Variants in KCNJ6 observed in about 807,000 individuals in gnomAD.
The protein encoded by KCNJ6 is G protein-activated inward rectifier potassium channel 2.
KCNJ6 carries 9 observed loss-of-function variants against 34.2 expected under a neutral mutation model. The ratio of observed to expected loss-of-function variants is 0.26; its 90% CI spans 0.16 to 0.46. The LOEUF is 0.46. Among genes scored for constraint, KCNJ6 ranks in the 20% least tolerant of loss-of-function variants. The probability of loss-of-function intolerance (pLI) is 1.00; values close to 1 mark genes in which losing one functional copy is unlikely to be tolerated. For missense variants in KCNJ6, 236 were observed against 531.3 expected (o/e 0.44, Z 5.46); for synonymous variants, 196 against 207.1 (o/e 0.95, Z 0.46).
At chr21:37,891,117 G>A (rs1158903295) in intron 1 of KCNJ6, among the ~76,000 whole-genome samples, 1 of 152,184 alleles carries the variant, frequency 6.6e-6, no homozygotes, top group Non-Finnish European at 1.5e-5. Context: ...CTGGGAAGCA[G>A]GGAAGGCATA....
At chr21:37,915,729 TTCGGCTGACTTGGGCACAA>T (rs1405716020) in intron 1 of KCNJ6, among the ~76,000 whole-genome samples, 136 bp downstream of exon 1, 2 of 152,212 alleles carry the variant, frequency 1.3e-5, no homozygotes, top group Admixed American at 6.5e-5. Context: ...TCCCTCGCCT[TTCGGCTGACTTGGGCACAA>T]TGTTTCTCAT....
chr21:37,733,741 T>C (rs1410662245), intron 2 of KCNJ6, among the ~76,000 whole-genome samples: 1 of 152,264 alleles, frequency 6.6e-6, no homozygotes, highest in Non-Finnish European at 1.5e-5. Flanking sequence ...AAAGGTTTCA[T>C]AAGGCAGGTT....
chr21:37,687,570 C>G (rs989566699), intron 3 of KCNJ6, among the ~76,000 whole-genome samples: 2 of 151,988 alleles, frequency 1.3e-5, no homozygotes, highest in African/African-American at 4.8e-5. Context: ...GGCTTTTTTT[C>G]TTTGATTTAT....
intron 2 of KCNJ6, among the ~76,000 whole-genome samples, chr21:37,747,098 T>C (rs1437105450): frequency 6.6e-6 from 1 of 152,076 alleles, no homozygotes; most frequent in African/African-American, 2.4e-5. Context: ...CACACATGCA[T>C]GAAGAGAGGA....
Position 37,765,552 on chromosome 21 carries a change from G to C in KCNJ6, c.26-50421C>G, listed in dbSNP as rs1009931853. On this transcript the variant is annotated intron_variant, in intron 2 of 3. Transcript: ENST00000609713. ...CCCAGCCCCAGACACGGAATTCTCT[G>C]GTCCAAAATGTCAATATTGCTGAAG... 3.9e-4 allele frequency among the ~76,000 whole-genome samples: 59 copies of C among 152,132 alleles called. 1 individual carries two copies. The highest frequency in any genetic ancestry group is 7.3e-5 in the Non-Finnish European group (5 of 68,038).
intron 2 of KCNJ6, among the ~76,000 whole-genome samples, chr21:37,774,012 A>G (rs1467454617): frequency 6.6e-6 from 1 of 152,128 alleles, no homozygotes; most frequent in African/African-American, 2.4e-5. Flanking sequence ...CAAGAACTTA[A>G]AACTGCTCTC....
At chr21:37,740,805 T>C (rs1247983245) in intron 2 of KCNJ6, among the ~76,000 whole-genome samples, 1 of 152,284 alleles carries the variant, frequency 6.6e-6, no homozygotes, top group Non-Finnish European at 1.5e-5. Context: ...GGTTTGAGCC[T>C]ATGCCTTTAG....
intron 1 of KCNJ6, 63 bp downstream of exon 1, chr21:37,915,799 GGGACGCGGGGACCCGAGAGCAC>G (rs2055890663): frequency 6.6e-6 from 1 of 152,262 alleles, no homozygotes; most frequent in Non-Finnish European, 1.5e-5. Flanking sequence ...GCTGGGGAAG[GGGACGCGGGGACCCGAGAGCAC>G]GGAACGCCTC....
intron 2 of KCNJ6, among the ~76,000 whole-genome samples, chr21:37,751,718 A>G (rs77355899): frequency 0.074 from 11,232 of 152,246 alleles, 446 homozygotes; most frequent in African/African-American, 0.093. Flanking sequence ...TGATTGTGCC[A>G]GCTTTCACAA....
At chr21:37,824,665 G>A (rs1313809327) in intron 2 of KCNJ6, among the ~76,000 whole-genome samples, 1 of 152,152 alleles carries the variant, frequency 6.6e-6, no homozygotes, top group Non-Finnish European at 1.5e-5. Flanking sequence ...GGTTTTATAA[G>A]TGACGGGCTT....
At chr21:37,777,196 C>G (rs2055146556) in intron 2 of KCNJ6, among the ~76,000 whole-genome samples, 1 of 152,062 alleles carries the variant, frequency 6.6e-6, no homozygotes, top group Admixed American at 6.6e-5. Context: ...GTGGTGATAT[C>G]CCCTTTATCA....
At chr21:37,870,442 C>A (rs1271932896) in intron 1 of KCNJ6, among the ~76,000 whole-genome samples, 1 of 152,190 alleles carries the variant, frequency 6.6e-6, no homozygotes, top group Non-Finnish European at 1.5e-5. Context: ...GGCAAAGACC[C>A]AAACCCATCC....
In KCNJ6 at chr21:37,636,611, C is replaced by T. The variant is rs553726824; in HGVS notation, c.947-11127G>A. Among the ~76,000 whole-genome samples the T allele has an allele frequency of 7.2e-5, 11 of 152,230 alleles. No homozygotes were observed. In the East Asian group the frequency reaches 1.7e-3, roughly 24 times the overall value. On this transcript the variant is annotated intron_variant, in intron 3 of 3. Coordinates refer to ENST00000609713, the MANE Select transcript of KCNJ6 (RefSeq NM_002240.5). Reference sequence around the variant, plus strand: ...TTGGAGGGGAAGGGAGTGCGTGTTACGGGTGGTGATTGCAAAGCTCACTCT... The same window carrying T: ...TTGGAGGGGAAGGGAGTGCGTGTTATGGGTGGTGATTGCAAAGCTCACTCT...
chr21:37,866,162 C>T (rs573017642), intron 1 of KCNJ6, among the ~76,000 whole-genome samples: 1 of 152,056 alleles, frequency 6.6e-6, no homozygotes, highest in African/African-American at 2.4e-5. Context: ...GAAAAGAAGA[C>T]ATTCTGTCTG....
intron 2 of KCNJ6, among the ~76,000 whole-genome samples, chr21:37,792,423 ATCTC>A (rs1050841710): frequency 3.3e-5 from 5 of 152,222 alleles, no homozygotes; most frequent in Admixed American, 3.3e-4. Context: ...GAAAAGCACA[ATCTC>A]TCTCTTTGCC....
chr21:37,878,895 G>C (rs925091710), intron 1 of KCNJ6, among the ~76,000 whole-genome samples: 1 of 152,182 alleles, frequency 6.6e-6, no homozygotes, highest in African/African-American at 2.4e-5. Context: ...TGATGTTCCT[G>C]ATAGACCAAC....
chr21:37,613,319 AC>A lies in KCNJ6; in HGVS notation c.*11839del, dbSNP rs1261807761. On this transcript the variant is annotated 3_prime_UTR_variant, in exon 4 of 4. Coordinates refer to ENST00000609713, the MANE Select transcript of KCNJ6 (RefSeq NM_002240.5). ...CTGGTGAAGATATGGAGCAACGGGA[AC>A]CCTCATTCATCGCTAGTGGAATGCA... 6.6e-6 allele frequency: 1 copy of A among 152,242 alleles called. No homozygotes were observed. Among genetic ancestry groups the A allele is most frequent in the African/African-American group, 2.4e-5 (1 of 41,454 alleles). The allele number at this position is 152,242 out of a possible 1,614,324, so 9.4% of individuals were successfully genotyped here.
intron 3 of KCNJ6, among the ~76,000 whole-genome samples, chr21:37,667,613 TGGGGTAGCAGGCACC>T (rs2054522069): frequency 1.5e-5 from 2 of 132,418 alleles, no homozygotes; most frequent in Admixed American, 7.5e-5. Flanking sequence ...TAGCGGGGTC[TGGGGTAGCAGGCACC>T]GGGGTAGCAG....
At chr21:37,855,917 G>A (rs148616747) in intron 1 of KCNJ6, among the ~76,000 whole-genome samples, 1 of 152,322 alleles carries the variant, frequency 6.6e-6, no homozygotes, top group Non-Finnish European at 1.5e-5. Flanking sequence ...CACGGCCAGG[G>A]GCCTCTGTCC....
Sources: allele counts gnomAD v4.1 joint callset (sites outside exome capture counted in the v4.1 genomes callset), GRCh38; gene constraint gnomAD v4.1.1; transcripts MANE v1.5; gene names NCBI Gene and HGNC (gene_info 2026-07-23, HGNC 2026-07-21).